The following FBRSL1 variants were observed in gnomAD, a reference collection of about 807,000 sequenced individuals.
FBRSL1 encodes fibrosin-1-like protein.
In FBRSL1, 51 loss-of-function variants were observed where a neutral mutation model predicts 89.6. That is an observed-to-expected ratio of 0.57 (90% CI 0.45 to 0.72). FBRSL1 has a LOEUF of 0.72. Among genes scored for constraint, FBRSL1 ranks in the 30% least tolerant of loss-of-function variants. The probability of loss-of-function intolerance (pLI) is 0.00; values close to 1 mark genes in which losing one functional copy is unlikely to be tolerated. For missense variants in FBRSL1, 1,618 were observed against 1,451.8 expected (o/e 1.11, Z -1.86); for synonymous variants, 779 against 681.1 (o/e 1.14, Z -2.24).
chr12:132,581,363 C>A, intron 15 of FBRSL1, 76 bp from the exon 16 acceptor site: 1 of 1,549,744 alleles, frequency 6.5e-7, no homozygotes, highest in South Asian at 1.2e-5. Context: ...TTGGGGTGCT[C>A]CCTGTGAACA....
At chr12:132,577,904 TAC>T (rs905662487) in intron 15 of FBRSL1, among the ~76,000 whole-genome samples, 32 of 152,288 alleles carry the variant, frequency 2.1e-4, no homozygotes, top group Non-Finnish European at 3.4e-4. Flanking sequence ...TTTCTACACA[TAC>T]ACAGTTACAC....
intron 1 of FBRSL1, among the ~76,000 whole-genome samples, chr12:132,503,576 C>T (rs2033303797): frequency 2.0e-5 from 3 of 152,208 alleles, no homozygotes; most frequent in Admixed American, 2.0e-4. Flanking sequence ...GGTAATTAGA[C>T]CCAGTCCCCA....
rs958493558 is a variant in FBRSL1 at position 132,570,352 on chromosome 12, C to T, written c.1025C>T (p.Pro342Leu). ...TCCCGCAGCAGGAGCAGCAGCGCCCCCCTGGGCCTGGGGAAGCACGTGTCG... is the reference window on the plus strand; with the variant it reads ...TCCCGCAGCAGGAGCAGCAGCGCCCTCCTGGGCCTGGGGAAGCACGTGTCG... ...LHGLSRSSSAPLGLGKHVSLS... is the reference protein window; with the variant it reads ...LHGLSRSSSALLGLGKHVSLS... Residue 342 changes from proline (P) to leucine (L), a missense_variant, in exon 8 of 19, where the codon CCC becomes CTC. Physicochemically the swap from Pro to Leu is moderately conservative, Grantham distance 98. Transcript: ENST00000680143. 7.4e-5 allele frequency: 114 copies of T among 1,532,664 alleles called. No individual in the cohort carries two copies. Among genetic ancestry groups the T allele is most frequent in the Admixed American group, 2.2e-4 (11 of 50,782 alleles). 94.9% of individuals were successfully genotyped at this position (1,532,664 alleles called of 1,614,324 possible).
intron 1 of FBRSL1, among the ~76,000 whole-genome samples, chr12:132,494,833 G>C (rs1173214641): frequency 2.0e-5 from 3 of 152,202 alleles, no homozygotes; most frequent in Admixed American, 2.0e-4. Flanking sequence ...CCAGCCTCCT[G>C]GCTCGGTGGC....
At chr12:132,510,965 G>C in intron 2 of FBRSL1, 2 of 989,440 alleles carry the variant, frequency 2.0e-6, no homozygotes, top group African/African-American at 3.5e-5. Context: ...GCATGTGTGC[G>C]AGAGGGTGTG....
Position 132,583,882 on chromosome 12 carries a change from G to A in FBRSL1, c.*104G>A, listed in dbSNP as rs1133733. ...CTCCCGCCGATCCTGGGGCGGCGCC[G>A]CCTCTCCACCCGCAGCCTGCGGAGG... is the stretch of plus-strand genomic sequence containing the variant. On this transcript the variant is annotated 3_prime_UTR_variant, in exon 19 of 19. Coordinates refer to ENST00000680143, the MANE Select transcript of FBRSL1 (RefSeq NM_001367871.1). 0.094 allele frequency: 54,483 copies of A among 579,606 alleles called. 3,909 individuals carry two copies. The highest frequency in any genetic ancestry group is 0.29 in the Admixed American group (5,294 of 18,136). 35.9% of individuals were successfully genotyped at this position (579,606 alleles called of 1,614,324 possible).
chr12:132,490,906 G>A (rs2030776920), intron 1 of FBRSL1, 45 bp downstream of exon 1: 1 of 1,250,688 alleles, frequency 8.0e-7, no homozygotes, highest in Non-Finnish European at 1.0e-6. Flanking sequence ...GCGAGAACGG[G>A]GCCCGGAGTT....
chr12:132,574,246 C>T (rs1566236291), intron 12 of FBRSL1, 73 bp from the exon 13 acceptor site: 3 of 1,457,064 alleles, frequency 2.1e-6, no homozygotes, highest in Non-Finnish European at 2.7e-6. Flanking sequence ...AGCAGACGGG[C>T]TGTGTCCCCT....
intron 15 of FBRSL1, among the ~76,000 whole-genome samples, chr12:132,578,511 T>C (rs575808389): frequency 1.3e-5 from 2 of 152,192 alleles, no homozygotes; most frequent in Admixed American, 1.3e-4. Flanking sequence ...GGAGGAAATC[T>C]GTGTCTAAGT....
chr12:132,531,290 G>A (rs1453423964), intron 4 of FBRSL1, among the ~76,000 whole-genome samples: 1 of 152,192 alleles, frequency 6.6e-6, no homozygotes, highest in Non-Finnish European at 1.5e-5. Flanking sequence ...GGACCCACTA[G>A]TGGGGGTTTG....
At chr12:132,491,329 C>T (rs1264115552) in intron 1 of FBRSL1, among the ~76,000 whole-genome samples, 2 of 152,236 alleles carry the variant, frequency 1.3e-5, no homozygotes, top group Non-Finnish European at 2.9e-5. Flanking sequence ...AATCTCAAGA[C>T]CCCTCTTGGT....
chr12:132,536,116 A>T (rs948848528), intron 4 of FBRSL1, among the ~76,000 whole-genome samples: 1 of 147,074 alleles, frequency 6.8e-6, no homozygotes, highest in Non-Finnish European at 1.5e-5. Flanking sequence ...TGTGTACATG[A>T]CAGTGTGCCA....
intron 2 of FBRSL1, among the ~76,000 whole-genome samples, chr12:132,523,398 G>A (rs1480242458): frequency 6.6e-6 from 1 of 152,182 alleles, no homozygotes; most frequent in East Asian, 1.9e-4. Flanking sequence ...CCACCTTTCA[G>A]GGCCTCCGGG....
chr12:132,525,332 G>C (rs975766475), intron 2 of FBRSL1, among the ~76,000 whole-genome samples: 1 of 152,164 alleles, frequency 6.6e-6, no homozygotes. Context: ...CCAGGGTGTG[G>C]GTGGAGGCCC....
Position 132,576,863 on chromosome 12 carries a change from C to T in FBRSL1, c.1766C>T (p.Pro589Leu). ...GAKLDLFGRP[P>L]APGVFAGFHY... ...AAGCTGGACCTGTTCGGCAGACCCC[C>T]TGCCCCGGGCGTGTTTGCAGGCTTC... Residue 589 changes from proline to leucine, a missense_variant, in exon 15 of 19, where the codon CCT (proline) becomes CTT (leucine). Pro to Leu is a moderately conservative substitution (Grantham distance 98, BLOSUM62 -3). Coordinates refer to ENST00000680143, the MANE Select transcript of FBRSL1 (RefSeq NM_001367871.1). The T allele has an allele frequency of 6.4e-7, 1 of 1,551,066 alleles. No individual in the cohort carries two copies. The highest frequency in any genetic ancestry group is 8.7e-7 in the Non-Finnish European group (1 of 1,146,944).
intron 4 of FBRSL1, among the ~76,000 whole-genome samples, chr12:132,538,199 G>A (rs1261424326): frequency 6.6e-6 from 1 of 152,218 alleles, no homozygotes; most frequent in Admixed American, 6.5e-5. Context: ...GGGAGGGTGT[G>A]TTCTCCAGCT....
chr12:132,577,258 C>T (rs1032176749), intron 15 of FBRSL1, among the ~76,000 whole-genome samples: 4 of 152,162 alleles, frequency 2.6e-5, no homozygotes, highest in Non-Finnish European at 4.4e-5. Flanking sequence ...GGCTCTGAGG[C>T]GGCTGGTCCT....
At position 132,583,551 on chromosome 12, in the gene FBRSL1, C is replaced by T. The variant is rs1026615140; in HGVS notation, c.2782C>T (p.Leu928=). ...CGCGCTGCTGCCCTCGCTGGGAGCC[C>T]TGCACTTCCCGCGCCTCTCGCCCGC... is the stretch of plus-strand genomic sequence containing the variant. ...DGALLPSLGA[L]HFPRLSPAAL... is the part of the protein sequence containing the mutation. Residue 928 remains leucine (L), a synonymous_variant, in exon 19 of 19, where the codon CTG becomes TTG. Coordinates refer to ENST00000680143, the MANE Select transcript of FBRSL1 (RefSeq NM_001367871.1). 60 of 1,042,156 alleles carry T rather than the reference C, an allele frequency of 5.8e-5. No homozygotes were observed. The Admixed American group carries it at 1.5e-3, about 26-fold the overall frequency. 64.6% of individuals were successfully genotyped at this position (1,042,156 alleles called of 1,614,324 possible). A position where few individuals can be genotyped will look rare whatever the true frequency, so the allele number is the denominator to read the frequency against.
chr12:132,490,929 G>A, intron 1 of FBRSL1, 68 bp downstream of exon 1: 3 of 1,146,976 alleles, frequency 2.6e-6, no homozygotes, highest in South Asian at 2.1e-5. Flanking sequence ...CGCGTCGGGC[G>A]ATCCCGGGAC....
Sources: allele counts gnomAD v4.1 joint callset (sites outside exome capture counted in the v4.1 genomes callset), GRCh38; gene constraint gnomAD v4.1.1; transcripts MANE v1.5; gene names NCBI Gene and HGNC (gene_info 2026-07-23, HGNC 2026-07-21).